Variants in ADAMTS6 observed in about 807,000 individuals in gnomAD.
ADAMTS6 encodes A disintegrin and metalloproteinase with thrombospondin motifs 6.
ADAMTS6 carries 23 observed loss-of-function variants against 144.3 expected under a neutral mutation model. The ratio of observed to expected loss-of-function variants is 0.16; its 90% CI spans 0.11 to 0.23. The LOEUF is 0.23. Ranked by LOEUF, ADAMTS6 falls within the 10% of genes least tolerant of loss-of-function variation. The pLI is 1.00. For missense variants in ADAMTS6, 999 were observed against 1,379.6 expected (o/e 0.72, Z 4.37); for synonymous variants, 444 against 457.5 (o/e 0.97, Z 0.38).
intron 7 of ADAMTS6, among the ~76,000 whole-genome samples, chr5:65,407,749 T>C (rs1411977075): frequency 6.6e-6 from 1 of 152,064 alleles, no homozygotes; most frequent in Non-Finnish European, 1.5e-5. Flanking sequence ...CATTACTGGG[T>C]ATATACCCAA....
intron 22 of ADAMTS6, among the ~76,000 whole-genome samples, chr5:65,183,980 A>G (rs1754520510): frequency 6.6e-6 from 1 of 152,226 alleles, no homozygotes. Flanking sequence ...ATATTATAAA[A>G]TTTAGAAGAC....
chr5:65,212,178 C>T (rs566573820), intron 20 of ADAMTS6, among the ~76,000 whole-genome samples: 1 of 152,206 alleles, frequency 6.6e-6, no homozygotes, highest in Non-Finnish European at 1.5e-5. Flanking sequence ...GATGTTGATG[C>T]TGCTGGCGGG....
chr5:65,300,130 A>C lies in ADAMTS6; in HGVS notation c.1225T>G (p.Phe409Val). The change falls in exon 10 of 25, where the codon TTT (phenylalanine) becomes GTT (valine). Residue 409 changes from phenylalanine (F) to valine (V), a missense_variant and splice_region_variant. Physicochemically the swap from Phe to Val is conservative, Grantham distance 50. Transcript: ENST00000381055. ...CCAATTCCATCATGGTTCATACCAA[A>C]ACTGTTTTAATGAGGAAGAAACATA... is the stretch of plus-strand genomic sequence containing the variant. The part of the protein sequence containing the change: ...FTIAHEIGHN[F>V]GMNHDGIGNS... 1 of 1,612,346 alleles carries C rather than the reference A, an allele frequency of 6.2e-7. No individual in the cohort carries two copies. The highest frequency in any genetic ancestry group is 8.5e-7 in the Non-Finnish European group (1 of 1,179,518).
chr5:65,316,098 G>A (rs1744969617), intron 9 of ADAMTS6, among the ~76,000 whole-genome samples: 1 of 152,124 alleles, frequency 6.6e-6, no homozygotes, highest in Non-Finnish European at 1.5e-5. Context: ...TTTTAGTAGA[G>A]ACGGGGTTTC....
At chr5:65,209,290 G>A (rs1211763605) in intron 20 of ADAMTS6, among the ~76,000 whole-genome samples, 1 of 152,110 alleles carries the variant, frequency 6.6e-6, no homozygotes, top group Non-Finnish European at 1.5e-5. Context: ...TATAAATTCG[G>A]GAGTCAGTAA....
chr5:65,403,829 T>C (rs1754169442), intron 7 of ADAMTS6, among the ~76,000 whole-genome samples: 2 of 152,120 alleles, frequency 1.3e-5, no homozygotes, highest in Admixed American at 1.3e-4. Flanking sequence ...CCTTATTCCA[T>C]ATTTCTTTAT....
At chr5:65,298,239 G>A (rs1054818104) in intron 10 of ADAMTS6, among the ~76,000 whole-genome samples, 2 of 152,016 alleles carry the variant, frequency 1.3e-5, no homozygotes, top group African/African-American at 4.8e-5. Context: ...TAGCAAATGA[G>A]CTGTGCAATA....
intron 7 of ADAMTS6, among the ~76,000 whole-genome samples, chr5:65,360,590 GA>G (rs1749734077): frequency 6.6e-6 from 1 of 151,506 alleles, no homozygotes; most frequent in Admixed American, 6.6e-5. Flanking sequence ...GTGTTATAAT[GA>G]AGTGTAAAAA....
intron 7 of ADAMTS6, among the ~76,000 whole-genome samples, chr5:65,444,291 C>T (rs941862842): frequency 6.6e-6 from 1 of 152,040 alleles, no homozygotes; most frequent in Non-Finnish European, 1.5e-5. Context: ...ATTTGGGAGG[C>T]GGAGGCAGGA....
At chr5:65,379,249 T>C (rs560224068) in intron 7 of ADAMTS6, among the ~76,000 whole-genome samples, 45 of 152,336 alleles carry the variant, frequency 3.0e-4, no homozygotes, top group African/African-American at 1.1e-3. Flanking sequence ...TTGTAGAGTT[T>C]TTCCTTGAAG....
intron 21 of ADAMTS6, among the ~76,000 whole-genome samples, chr5:65,192,410 A>G (rs1346514112): frequency 6.6e-6 from 1 of 152,038 alleles, no homozygotes; most frequent in Admixed American, 6.6e-5. Context: ...ATTAAAATGA[A>G]TAGTTCTCTT....
chr5:65,395,324 T>G (rs1346958068), intron 7 of ADAMTS6, among the ~76,000 whole-genome samples: 1 of 152,220 alleles, frequency 6.6e-6, no homozygotes, highest in Non-Finnish European at 1.5e-5. Context: ...AGGAGCCTTG[T>G]AATTTTTTAA....
intron 9 of ADAMTS6, 65 bp from the exon 10 acceptor site, chr5:65,300,196 T>G: frequency 6.6e-7 from 1 of 1,504,316 alleles, no homozygotes; most frequent in Non-Finnish European, 9.1e-7. Context: ...CATCCCTTAT[T>G]TCCTTATTTG....
chr5:65,327,695 T>C (rs1326563777), intron 9 of ADAMTS6, among the ~76,000 whole-genome samples: 1 of 152,146 alleles, frequency 6.6e-6, no homozygotes, highest in East Asian at 1.9e-4. Context: ...CAACAAAATC[T>C]AGGAAACCTG....
intron 7 of ADAMTS6, among the ~76,000 whole-genome samples, chr5:65,435,683 T>C (rs1226955553): frequency 6.6e-6 from 1 of 151,962 alleles, no homozygotes; most frequent in Non-Finnish European, 1.5e-5. Context: ...TGGAGTACAG[T>C]GGCGCGATAT....
chr5:65,225,622 A>G (rs186188092), intron 16 of ADAMTS6, among the ~76,000 whole-genome samples: 2 of 152,350 alleles, frequency 1.3e-5, no homozygotes, highest in African/African-American at 4.8e-5. Context: ...TAATTCCACA[A>G]TGAAAACCAT....
At chr5:65,290,967 C>T (rs768142928) in intron 11 of ADAMTS6, among the ~76,000 whole-genome samples, 1 of 152,012 alleles carries the variant, frequency 6.6e-6, no homozygotes, top group Admixed American at 6.6e-5. Context: ...TGTAAAAATG[C>T]CCTTTAGCTC....
At chr5:65,158,264 T>C (rs1370234412) in intron 24 of ADAMTS6, among the ~76,000 whole-genome samples, 1 of 152,188 alleles carries the variant, frequency 6.6e-6, no homozygotes. Flanking sequence ...CAGTAGCTAG[T>C]TTGACCAAAA....
intron 10 of ADAMTS6, among the ~76,000 whole-genome samples, chr5:65,294,431 A>T (rs1742635529): frequency 6.6e-6 from 1 of 152,132 alleles, no homozygotes; most frequent in Non-Finnish European, 1.5e-5. Context: ...GCTGGTCTAG[A>T]ACTCCTGGTC....
Sources: allele counts gnomAD v4.1 joint callset (sites outside exome capture counted in the v4.1 genomes callset), GRCh38; gene constraint gnomAD v4.1.1; transcripts MANE v1.5; gene names NCBI Gene and HGNC (gene_info 2026-07-23, HGNC 2026-07-21).